Variants in LRP1B observed in about 807,000 individuals in gnomAD.
LRP1B encodes the protein LDL receptor related protein 1B.
LRP1B carries 217 observed loss-of-function variants against 556.6 expected under a neutral mutation model. That is an observed-to-expected ratio of 0.39 (90% confidence interval 0.35 to 0.44). The LOEUF is 0.44. Ranked by LOEUF, LRP1B falls within the 20% of genes least tolerant of loss-of-function variation. The pLI, the probability that LRP1B is intolerant of heterozygous loss-of-function variation, is 1.00. For synonymous variants in LRP1B, 2,047 were observed against 1,865.8 expected (o/e 1.10, Z -2.50); for missense variants, 5,053 against 5,620.8 (o/e 0.90, Z 3.23).
rs1161528976 is a variant in LRP1B at position 142,130,706 on chromosome 2, T to C, written c.24A>G (p.Leu8=). 1.9e-6 allele frequency: 3 copies of C among 1,613,040 alleles called. No homozygotes were observed. The highest frequency in any genetic ancestry group is 1.1e-5 in the South Asian group (1 of 90,908). The change falls in exon 1 of 91, where the codon TTA becomes TTG. Residue 8 remains leucine (L), a synonymous_variant. Coordinates refer to ENST00000389484, the MANE Select transcript of LRP1B (RefSeq NM_018557.3). MSEFLLA[L]LTLSGLLPIA... is the part of the protein sequence containing the mutation. ...TCGGCAATAATCCCGAGAGAGTGAG[T>C]AAGGCGAGGAGAAACTCGGACATTG...
At chr2:140,264,218 GT>G (rs957830513) in intron 86 of LRP1B, among the ~76,000 whole-genome samples, 38 of 151,352 alleles carry the variant, frequency 2.5e-4, no homozygotes, top group African/African-American at 9.3e-4. Flanking sequence ...ACCTTTTTTT[GT>G]TTTGTTTTTT....
intron 79 of LRP1B, among the ~76,000 whole-genome samples, chr2:140,330,199 C>CAATAAT (rs70985089): frequency 0.19 from 25,600 of 137,510 alleles, 2,882 homozygotes; most frequent in Non-Finnish European, 0.25. Flanking sequence ...GACTCTGTCT[C>CAATAAT]AATAATAATA....
intron 29 of LRP1B, among the ~76,000 whole-genome samples, chr2:140,848,401 A>AT (rs1325344618): frequency 2.0e-5 from 3 of 152,176 alleles, no homozygotes; most frequent in Non-Finnish European, 4.4e-5. Context: ...CATTCAATAA[A>AT]TTTTTTTAAA....
chr2:141,265,090 T>A (rs1684838109), intron 3 of LRP1B, among the ~76,000 whole-genome samples: 1 of 151,876 alleles, frequency 6.6e-6, no homozygotes, highest in Non-Finnish European at 1.5e-5. Context: ...CCACAAACTC[T>A]CTCGAGACTC....
intron 2 of LRP1B, among the ~76,000 whole-genome samples, chr2:141,717,443 T>C (rs997852754): frequency 2.0e-5 from 3 of 152,222 alleles, no homozygotes; most frequent in African/African-American, 7.2e-5. Flanking sequence ...ACTCCAGTGT[T>C]TTCCAAATAT....
intron 1 of LRP1B, among the ~76,000 whole-genome samples, chr2:141,854,632 C>T (rs1697985365): frequency 6.6e-6 from 1 of 151,870 alleles, no homozygotes; most frequent in South Asian, 2.1e-4. Flanking sequence ...TCCCTTAATC[C>T]TTGATGTTTT....
intron 87 of LRP1B, among the ~76,000 whole-genome samples, chr2:140,243,571 G>GAAAT (rs1681038790): frequency 6.6e-6 from 1 of 151,122 alleles, no homozygotes; most frequent in South Asian, 2.1e-4. Context: ...TATATTTGTT[G>GAAAT]AAATTAGCAT....
At chr2:141,098,078 A>G (rs187889260) in intron 7 of LRP1B, among the ~76,000 whole-genome samples, 7 of 152,318 alleles carry the variant, frequency 4.6e-5, no homozygotes, top group Admixed American at 2.6e-4. Flanking sequence ...TTCACACTTC[A>G]TATGATTCTT....
intron 3 of LRP1B, among the ~76,000 whole-genome samples, chr2:141,459,004 TA>T (rs1297082368): frequency 1.3e-5 from 2 of 152,212 alleles, no homozygotes; most frequent in African/African-American, 2.4e-5. Context: ...TCCAGGTTTC[TA>T]AAACAGACAA....
intron 35 of LRP1B, among the ~76,000 whole-genome samples, chr2:140,737,770 T>C (rs915687070): frequency 6.6e-6 from 1 of 152,268 alleles, no homozygotes; most frequent in Middle Eastern, 3.4e-3. Context: ...TCCTATTACA[T>C]CTCTGTTTAA....
rs150492835 is a variant in LRP1B at position 140,734,883 on chromosome 2, C to T, written c.5759-18067G>A. ...AACTGCACCATAGCCTGAGACTTTT[C>T]CTATCTGACCTAACTTCCTCCCCTC... On this transcript the variant is annotated intron_variant, in intron 35 of 90. Transcript: ENST00000389484. Among the ~76,000 whole-genome samples the T allele has an allele frequency of 5.6e-3, 858 of 152,244 alleles. 5 individuals carry two copies. Among genetic ancestry groups the T allele is most frequent in the Non-Finnish European group, 8.8e-3 (600 of 68,018 alleles).
rs1553521835 is a variant in LRP1B, at chr2:140,748,442, T to TATA, written c.5758+20770_5758+20771insTAT. Among the ~76,000 whole-genome samples, 418 of 109,976 alleles carry TATA rather than the reference T, an allele frequency of 3.8e-3. 18 individuals carry two copies. In the East Asian group the frequency reaches 0.057, roughly 15 times the overall value. The allele number at this position is 109,976 out of a possible 152,430, so 72.1% of individuals were successfully genotyped here. On this transcript the variant is annotated intron_variant, in intron 35 of 90. Transcript: ENST00000389484. The stretch of plus-strand genomic sequence containing the variant: ...AATATATATTATATTTATATATATA[T>TATA]TATATATATATATACACACACATAG...
At chr2:142,079,573 T>C (rs1705638671) in intron 1 of LRP1B, among the ~76,000 whole-genome samples, 1 of 152,090 alleles carries the variant, frequency 6.6e-6, no homozygotes, top group Non-Finnish European at 1.5e-5. Context: ...AGTGGTGCTA[T>C]CTTGGCTCAC....
intron 2 of LRP1B, among the ~76,000 whole-genome samples, chr2:141,514,329 T>C (rs759947527): frequency 6.6e-6 from 1 of 152,182 alleles, no homozygotes; most frequent in Non-Finnish European, 1.5e-5. Context: ...TTTCTCCCTC[T>C]CTATCTTGCT....
chr2:140,853,368 C>G (rs1692519288), intron 27 of LRP1B, among the ~76,000 whole-genome samples: 1 of 152,070 alleles, frequency 6.6e-6, no homozygotes, highest in African/African-American at 2.4e-5. Flanking sequence ...TTCTTCAGGT[C>G]TTTATTTCCT....
chr2:140,398,091 A>C (rs923351412), intron 66 of LRP1B, among the ~76,000 whole-genome samples: 1 of 152,206 alleles, frequency 6.6e-6, no homozygotes, highest in Non-Finnish European at 1.5e-5. Flanking sequence ...ATAATTATGA[A>C]TAGGAAGAAC....
intron 1 of LRP1B, among the ~76,000 whole-genome samples, chr2:141,862,476 C>T (rs1698278836): frequency 6.6e-6 from 1 of 152,086 alleles, no homozygotes; most frequent in Non-Finnish European, 1.5e-5. Flanking sequence ...TTGTACAAAT[C>T]TCGGCTCACG....
chr2:141,068,106 G>T (rs951631508), intron 7 of LRP1B, among the ~76,000 whole-genome samples: 1 of 151,884 alleles, frequency 6.6e-6, no homozygotes, highest in African/African-American at 2.4e-5. Flanking sequence ...ATGACTAACC[G>T]CCCATATTAT....
At chr2:141,646,041 T>C (rs999448740) in intron 2 of LRP1B, among the ~76,000 whole-genome samples, 1 of 152,182 alleles carries the variant, frequency 6.6e-6, no homozygotes, top group Non-Finnish European at 1.5e-5. Flanking sequence ...TCATGTCATG[T>C]ACCCTGATTT....
Sources: allele counts gnomAD v4.1 joint callset (sites outside exome capture counted in the v4.1 genomes callset), GRCh38; gene constraint gnomAD v4.1.1; transcripts MANE v1.5; gene names NCBI Gene and HGNC (gene_info 2026-07-23, HGNC 2026-07-21).